Variants in SLC35F1 observed in about 807,000 individuals in gnomAD.
SLC35F1 encodes the protein solute carrier family 35 member F1, also known as chromosome 6 open reading frame 169.
A neutral mutation model predicts 48.7 loss-of-function variants in SLC35F1; 14 were observed. The observed-to-expected ratio is 0.29, with a 90% CI of 0.19 to 0.45. The LOEUF is 0.45. Among genes scored for constraint, SLC35F1 ranks in the 20% least tolerant of loss-of-function variants. SLC35F1 has a pLI of 1.00. For synonymous variants in SLC35F1, 190 were observed against 202.2 expected (o/e 0.94, Z 0.51); for missense variants, 404 against 500.0 (o/e 0.81, Z 1.83).
intron 1 of SLC35F1, among the ~76,000 whole-genome samples, chr6:118,151,014 C>G (rs1453561562): frequency 6.6e-6 from 1 of 152,168 alleles, no homozygotes; most frequent in Non-Finnish European, 1.5e-5. Context: ...ATGGCAGTGA[C>G]TACAAATTAT....
chr6:118,010,896 A>G (rs17079647), intron 1 of SLC35F1, among the ~76,000 whole-genome samples: 1,569 of 152,312 alleles, frequency 0.01, 25 homozygotes, highest in African/African-American at 0.036. Context: ...CACAGAGACA[A>G]CCAGGCAGTA....
At chr6:118,262,163 C>T (rs1775721156) in intron 3 of SLC35F1, among the ~76,000 whole-genome samples, 1 of 152,082 alleles carries the variant, frequency 6.6e-6, no homozygotes, top group Non-Finnish European at 1.5e-5. Flanking sequence ...GGGCTGCGCG[C>T]ATCATGATGA....
intron 1 of SLC35F1, among the ~76,000 whole-genome samples, chr6:118,135,770 T>C (rs1773785356): frequency 6.6e-6 from 1 of 152,186 alleles, no homozygotes; most frequent in Non-Finnish European, 1.5e-5. Flanking sequence ...TGTACAAAAT[T>C]CACATTCTCT....
chr6:118,044,041 G>A (rs560027304), intron 1 of SLC35F1, among the ~76,000 whole-genome samples: 1 of 152,326 alleles, frequency 6.6e-6, no homozygotes, highest in East Asian at 1.9e-4. Flanking sequence ...CAGTGAACTG[G>A]CAGCACTTTA....
chr6:117,966,791 G>C (rs1776576917), intron 1 of SLC35F1, among the ~76,000 whole-genome samples: 1 of 152,064 alleles, frequency 6.6e-6, no homozygotes, highest in African/African-American at 2.4e-5. Flanking sequence ...TTGGATTATG[G>C]CCACTCTAAA....
rs1021081695 is a variant in SLC35F1, at chr6:118,315,961, A to G, written c.*1709A>G. The G allele has an allele frequency of 2.0e-5, 3 of 152,192 alleles. No individual in the cohort carries two copies. The highest frequency in any genetic ancestry group is 4.8e-5 in the African/African-American group (2 of 41,446). The allele number at this position is 152,192 out of a possible 1,614,324, so 9.4% of individuals were successfully genotyped here. ...TCAATACCATTCAAAAAGATCCTCA[A>G]TGGAGTTACAGGGTTTATAGGGGAA... On this transcript the variant is annotated 3_prime_UTR_variant, in exon 8 of 8. Coordinates refer to ENST00000360388, the MANE Select transcript of SLC35F1 (RefSeq NM_001029858.4).
intron 4 of SLC35F1, among the ~76,000 whole-genome samples, chr6:118,275,072 A>T (rs973976309): frequency 6.6e-6 from 1 of 152,170 alleles, no homozygotes; most frequent in Non-Finnish European, 1.5e-5. Flanking sequence ...GCTACTCTGG[A>T]GGCTGAGGCA....
At chr6:118,070,892 AATATATATACTAT>A (rs1772694640) in intron 1 of SLC35F1, among the ~76,000 whole-genome samples, 1 of 30,274 alleles carries the variant, frequency 3.3e-5, no homozygotes, top group African/African-American at 8.8e-5. Flanking sequence ...ATACATAGTA[AATATATATACTAT>A]ATATATATAC....
intron 1 of SLC35F1, among the ~76,000 whole-genome samples, chr6:118,058,946 A>G (rs1772499264): frequency 6.6e-6 from 1 of 152,210 alleles, no homozygotes; most frequent in African/African-American, 2.4e-5. Flanking sequence ...CTTTAAAAAT[A>G]TTCTCTGATA....
At chr6:118,172,939 A>T (rs755821672) in intron 2 of SLC35F1, among the ~76,000 whole-genome samples, 3 of 152,162 alleles carry the variant, frequency 2.0e-5, no homozygotes, top group Admixed American at 2.0e-4. Flanking sequence ...TGACAAAGAG[A>T]AGCACACAAT....
intron 1 of SLC35F1, among the ~76,000 whole-genome samples, chr6:117,926,729 G>A (rs1012994487): frequency 6.6e-6 from 1 of 152,062 alleles, no homozygotes; most frequent in Non-Finnish European, 1.5e-5. Flanking sequence ...GATCATGCAG[G>A]GCTTTGGAGT....
chr6:117,923,858 A>G (rs930299424), intron 1 of SLC35F1, among the ~76,000 whole-genome samples: 10 of 113,772 alleles, frequency 8.8e-5, no homozygotes, highest in Admixed American at 4.2e-4. Flanking sequence ...GCACATATAT[A>G]TGTGTGTACA....
chr6:117,930,555 T>G (rs1009087007), intron 1 of SLC35F1, among the ~76,000 whole-genome samples: 4 of 152,174 alleles, frequency 2.6e-5, no homozygotes, highest in African/African-American at 9.7e-5. Flanking sequence ...TAAGCCTTAA[T>G]GCTAAATTAG....
intron 2 of SLC35F1, among the ~76,000 whole-genome samples, chr6:118,213,748 A>C (rs776826816): frequency 4.6e-5 from 7 of 152,210 alleles, no homozygotes; most frequent in Admixed American, 2.0e-4. Flanking sequence ...CAGTATTATA[A>C]ATTTGATAAA....
chr6:118,084,244 T>C (rs769870100), intron 1 of SLC35F1, among the ~76,000 whole-genome samples: 6 of 152,176 alleles, frequency 3.9e-5, no homozygotes, highest in Non-Finnish European at 8.8e-5. Context: ...TATTAAGTTT[T>C]TTTTAAGTTT....
At chr6:118,000,118 A>T (rs1337162946) in intron 1 of SLC35F1, among the ~76,000 whole-genome samples, 3 of 152,238 alleles carry the variant, frequency 2.0e-5, no homozygotes, top group Non-Finnish European at 2.9e-5. Flanking sequence ...CATCATCCTG[A>T]TACCAAAGCC....
chr6:118,101,040 G>A (rs2114364360), intron 1 of SLC35F1, among the ~76,000 whole-genome samples: 1 of 151,786 alleles, frequency 6.6e-6, no homozygotes, highest in African/African-American at 2.4e-5. Flanking sequence ...AGAGCAGGAA[G>A]GTAGTGAAAC....
chr6:118,022,473 G>A (rs767417259), intron 1 of SLC35F1, among the ~76,000 whole-genome samples: 6 of 152,174 alleles, frequency 3.9e-5, no homozygotes, highest in African/African-American at 4.8e-5. Flanking sequence ...CCAACACAAG[G>A]AAGACTGAAG....
chr6:117,922,787 G>C (rs769824328), intron 1 of SLC35F1, among the ~76,000 whole-genome samples: 18 of 152,262 alleles, frequency 1.2e-4, no homozygotes, highest in South Asian at 8.3e-4. Context: ...CTTTGAGCCA[G>C]GTTTAGTTGG....
Sources: gnomAD v4.1 joint callset for allele counts (sites outside exome capture counted in the v4.1 genomes callset) on GRCh38, gnomAD v4.1.1 for gene constraint, MANE v1.5 for transcripts, NCBI Gene and HGNC (gene_info 2026-07-23, HGNC 2026-07-21) for gene names.